NXPH1: variants seen among roughly 807,000 people sequenced by gnomAD.
NXPH1 encodes the protein neurexophilin 1.
NXPH1 carries 5 observed loss-of-function variants against 23.7 expected under a neutral mutation model. The ratio of observed to expected loss-of-function variants is 0.21; its 90% CI spans 0.11 to 0.44. The LOEUF is 0.44. Ranked by LOEUF, NXPH1 falls within the 20% of genes least tolerant of loss-of-function variation. The pLI, the probability that NXPH1 is intolerant of heterozygous loss-of-function variation, is 0.99. For missense variants in NXPH1, 324 were observed against 321.6 expected (o/e 1.01, Z -0.06); for synonymous variants, 144 against 122.2 (o/e 1.18, Z -1.18).
chr7:8,456,669 C>G (rs1327046990), intron 2 of NXPH1, among the ~76,000 whole-genome samples: 1 of 152,038 alleles, frequency 6.6e-6, no homozygotes, highest in Admixed American at 6.5e-5. Context: ...AAAACCAAAA[C>G]AAAAGTAGTT....
intron 2 of NXPH1, among the ~76,000 whole-genome samples, chr7:8,576,925 C>T (rs1818766174): frequency 6.6e-6 from 1 of 152,062 alleles, no homozygotes; most frequent in Admixed American, 6.6e-5. Context: ...TCTTTTTACT[C>T]TGAATGGCCT....
chr7:8,656,236 TAATG>T (rs1562444635), intron 2 of NXPH1, among the ~76,000 whole-genome samples: 1 of 152,230 alleles, frequency 6.6e-6, no homozygotes, highest in African/African-American at 2.4e-5. Flanking sequence ...AGCTAATTAA[TAATG>T]AGTAAGCGTT....
chr7:8,588,467 T>A (rs1819023923), intron 2 of NXPH1, among the ~76,000 whole-genome samples: 1 of 147,462 alleles, frequency 6.8e-6, no homozygotes, highest in African/African-American at 2.6e-5. Flanking sequence ...GAAAAAAAAA[T>A]GGAATGGAAT....
chr7:8,458,211 G>A lies in NXPH1; in HGVS notation c.54+22444G>A, dbSNP rs539341633. Among the ~76,000 whole-genome samples the A allele has an allele frequency of 1.4e-4, 21 of 152,296 alleles. No homozygotes were observed. The East Asian group carries it at 2.1e-3, about 15-fold the overall frequency. ...ATGAACAACGGTGTTGCAAAGAGACGTGGAGAATCATTGACTTTAGGGTCT... is the reference window on the plus strand; with the variant it reads ...ATGAACAACGGTGTTGCAAAGAGACATGGAGAATCATTGACTTTAGGGTCT... On this transcript the variant is annotated intron_variant, in intron 2 of 2. Coordinates refer to ENST00000405863, the MANE Select transcript of NXPH1 (RefSeq NM_152745.3).
intron 2 of NXPH1, among the ~76,000 whole-genome samples, chr7:8,672,047 G>A (rs1820876558): frequency 6.6e-6 from 1 of 152,006 alleles, no homozygotes; most frequent in East Asian, 1.9e-4. Context: ...CATTTTGTAG[G>A]TTGCCTGTTC....
In NXPH1 at chr7:8,514,862, G is replaced by T. The variant is rs73233604; in HGVS notation, c.54+79095G>T. On this transcript the variant is annotated intron_variant, in intron 2 of 2. Coordinates refer to ENST00000405863, the MANE Select transcript of NXPH1 (RefSeq NM_152745.3). ...AGTTCAGTTGAGATGATTTAACCCA[G>T]ATTACACACTCTAAAGGAAATTTAC... Among the ~76,000 whole-genome samples, 881 of 152,198 alleles carry T rather than the reference G, an allele frequency of 5.8e-3. 5 individuals are homozygous for T. Among genetic ancestry groups the T allele is most frequent in the African/African-American group, 0.02 (849 of 41,544 alleles).
At chr7:8,696,966 T>C (rs1158294971) in intron 2 of NXPH1, among the ~76,000 whole-genome samples, 2 of 150,284 alleles carry the variant, frequency 1.3e-5, no homozygotes, top group Non-Finnish European at 3.0e-5. Flanking sequence ...GACACCAGTC[T>C]GGTCAACATG....
intron 2 of NXPH1, among the ~76,000 whole-genome samples, chr7:8,452,852 T>G (rs1816530999): frequency 6.6e-6 from 1 of 152,100 alleles, no homozygotes; most frequent in South Asian, 2.1e-4. Context: ...AATCTTCTGT[T>G]TTTGTAAATA....
chr7:8,696,557 A>C (rs1378223449), intron 2 of NXPH1, among the ~76,000 whole-genome samples: 1 of 152,200 alleles, frequency 6.6e-6, no homozygotes, highest in Non-Finnish European at 1.5e-5. Context: ...CGGACACCTG[A>C]ATGATAGGCA....
intron 2 of NXPH1, among the ~76,000 whole-genome samples, chr7:8,687,307 T>A (rs1821162189): frequency 6.6e-6 from 1 of 152,006 alleles, no homozygotes; most frequent in African/African-American, 2.4e-5. Flanking sequence ...GCAGGGGGAC[T>A]CCAAGAAGGA....
chr7:8,514,503 G>T (rs142157926), intron 2 of NXPH1, among the ~76,000 whole-genome samples: 224 of 152,190 alleles, frequency 1.5e-3, no homozygotes, highest in African/African-American at 4.9e-3. Context: ...ATTGGAAAAT[G>T]GTTAAAACAA....
At chr7:8,723,824 G>A (rs932282923) in intron 2 of NXPH1, among the ~76,000 whole-genome samples, 1 of 151,774 alleles carries the variant, frequency 6.6e-6, no homozygotes, top group East Asian at 1.9e-4. Flanking sequence ...GGAAGGGGAA[G>A]CAGCTTATAC....
intron 2 of NXPH1, among the ~76,000 whole-genome samples, chr7:8,529,855 A>G (rs966102711): frequency 1.3e-5 from 2 of 152,064 alleles, no homozygotes; most frequent in African/African-American, 4.8e-5. Context: ...CATGAATTTA[A>G]TTTCTGGCCT....
At position 8,435,662 on chromosome 7, in the gene NXPH1, A is replaced by G. The variant is rs925011351; in HGVS notation, c.-52A>G. ...ATGTCAGGTGGATCTATGTTTCTGA[A>G]GGAACAAAGACTCAAAGAAGGCACC... On this transcript the variant is annotated 5_prime_UTR_variant, in exon 2 of 3. Coordinates refer to ENST00000405863, the MANE Select transcript of NXPH1 (RefSeq NM_152745.3). This position sits in a 1 kb window ranked among gnomAD's most constrained non-coding sequence, Gnocchi z 5.9. 1.6e-5 allele frequency: 25 copies of G among 1,552,758 alleles called. No individual in the cohort carries two copies. The Admixed American group carries it at 4.2e-4, about 26-fold the overall frequency.
At chr7:8,479,449 G>A (rs1217212888) in intron 2 of NXPH1, among the ~76,000 whole-genome samples, 1 of 152,034 alleles carries the variant, frequency 6.6e-6, no homozygotes. Context: ...CTGTATTCTT[G>A]AATTTAAATT....
At chr7:8,508,430 G>T (rs774518614) in intron 2 of NXPH1, among the ~76,000 whole-genome samples, 2 of 151,996 alleles carry the variant, frequency 1.3e-5, no homozygotes, top group African/African-American at 2.4e-5. Flanking sequence ...AATATCTGTC[G>T]CATATATCTG....
rs115512954 is a variant in NXPH1, at chr7:8,706,686, A to G, written c.55-44322A>G. On this transcript the variant is annotated intron_variant, in intron 2 of 2. Transcript: ENST00000405863. Reference sequence around the variant, plus strand: ...GGTGGCCATGGAAGCAAAACTAGACACTATTCCTGGGCTCAACAACACGAA... The same window carrying G: ...GGTGGCCATGGAAGCAAAACTAGACGCTATTCCTGGGCTCAACAACACGAA... Among the ~76,000 whole-genome samples, 820 of 152,180 alleles carry G rather than the reference A, an allele frequency of 5.4e-3. 7 individuals carry two copies. The highest frequency in any genetic ancestry group is 0.018 in the African/African-American group (762 of 41,518).
At chr7:8,570,702 G>A (rs904218079) in intron 2 of NXPH1, among the ~76,000 whole-genome samples, 2 of 152,040 alleles carry the variant, frequency 1.3e-5, no homozygotes, top group East Asian at 1.9e-4. Context: ...GACCTGGAAT[G>A]TACAAAGGTC....
At chr7:8,633,389 C>G (rs957455879) in intron 2 of NXPH1, among the ~76,000 whole-genome samples, 1 of 152,218 alleles carries the variant, frequency 6.6e-6, no homozygotes, top group African/African-American at 2.4e-5. Context: ...GATCGTGCCA[C>G]TGTAGCCTAG....
Sources: allele counts gnomAD v4.1 joint callset (sites outside exome capture counted in the v4.1 genomes callset), GRCh38; gene constraint gnomAD v4.1.1; non-coding constraint Gnocchi (gnomAD v3.1); transcripts MANE v1.5; gene names NCBI Gene and HGNC (gene_info 2026-07-23, HGNC 2026-07-21).